The following CHCHD3 variants were observed in gnomAD, a reference collection of about 807,000 sequenced individuals.
CHCHD3 encodes the protein MICOS complex subunit MIC19.
CHCHD3 carries 20 observed loss-of-function variants against 38.2 expected under a neutral mutation model. That is an observed-to-expected ratio of 0.52 (90% CI 0.37 to 0.76). CHCHD3 has a LOEUF of 0.76. Ranked by LOEUF, CHCHD3 falls within the 30% of genes least tolerant of loss-of-function variation. The probability of loss-of-function intolerance (pLI) is 0.00; values close to 1 mark genes in which losing one functional copy is unlikely to be tolerated. For missense variants in CHCHD3, 245 were observed against 279.2 expected, an observed-to-expected ratio of 0.88 and a Z score of 0.87; for synonymous variants, 82 against 100.0, an observed-to-expected ratio of 0.82 and a Z score of 1.07.
intron 4 of CHCHD3, among the ~76,000 whole-genome samples, chr7:132,917,654 C>G (rs565592646): frequency 5.1e-4 from 78 of 152,036 alleles, no homozygotes; most frequent in South Asian, 1.2e-3. Context: ...GTCAGGAGAT[C>G]GAGACCATCC....
At chr7:132,885,004 C>T (rs1809168380) in intron 5 of CHCHD3, among the ~76,000 whole-genome samples, 1 of 152,184 alleles carries the variant, frequency 6.6e-6, no homozygotes, top group Admixed American at 6.5e-5. Context: ...GTAATCCTAG[C>T]ACTTTGGGAG....
At chr7:132,936,342 G>A (rs539136494) in intron 4 of CHCHD3, among the ~76,000 whole-genome samples, 2 of 152,298 alleles carry the variant, frequency 1.3e-5, no homozygotes, top group African/African-American at 4.8e-5. Context: ...TAAAAACTGA[G>A]AAATTCATCT....
At chr7:132,872,818 G>C (rs1046705914) in intron 5 of CHCHD3, among the ~76,000 whole-genome samples, 2 of 152,134 alleles carry the variant, frequency 1.3e-5, no homozygotes, top group South Asian at 4.1e-4. Context: ...TTTTAAAGAG[G>C]GGGAGGGCCG....
chr7:132,964,611 T>C (rs901849439), intron 4 of CHCHD3, among the ~76,000 whole-genome samples: 14 of 152,138 alleles, frequency 9.2e-5, no homozygotes, highest in Non-Finnish European at 1.9e-4. Flanking sequence ...TCTGCCTTTA[T>C]ATACTAGTAT....
chr7:132,944,622 A>C (rs948281933), intron 4 of CHCHD3, among the ~76,000 whole-genome samples: 1 of 152,002 alleles, frequency 6.6e-6, no homozygotes, highest in East Asian at 1.9e-4. Context: ...TTGTAAAAAA[A>C]AATGTATAAA....
intron 3 of CHCHD3, among the ~76,000 whole-genome samples, chr7:132,987,691 A>C (rs916266550): frequency 2.6e-5 from 4 of 152,232 alleles, no homozygotes; most frequent in African/African-American, 9.6e-5. Flanking sequence ...TCTAAGATAT[A>C]GTCACTGAAA....
At chr7:133,042,878 T>C (rs1460544269) in intron 2 of CHCHD3, among the ~76,000 whole-genome samples, 2 of 152,098 alleles carry the variant, frequency 1.3e-5, no homozygotes, top group African/African-American at 4.8e-5. Flanking sequence ...GGGTATTCAA[T>C]TTTTTTGATG....
chr7:132,887,585 G>C (rs947746237), intron 4 of CHCHD3, among the ~76,000 whole-genome samples: 54 of 150,948 alleles, frequency 3.6e-4, no homozygotes, highest in African/African-American at 1.2e-3. Flanking sequence ...ATAGAGCACT[G>C]AAAAAAGAAG....
intron 2 of CHCHD3, among the ~76,000 whole-genome samples, chr7:133,051,812 G>A (rs547917931): frequency 6.2e-4 from 94 of 152,010 alleles, no homozygotes; most frequent in South Asian, 2.3e-3. Flanking sequence ...CTAATCATTC[G>A]TTCAAAAAAA....
At chr7:132,885,614 G>A (rs1177420413) in intron 5 of CHCHD3, 48 bp downstream of exon 5, 1 of 1,347,316 alleles carries the variant, frequency 7.4e-7, no homozygotes, top group Non-Finnish European at 1.0e-6. Context: ...AAATATACAA[G>A]AAAACAGCAG....
At chr7:132,842,862 C>A (rs1226719899) in intron 5 of CHCHD3, among the ~76,000 whole-genome samples, 1 of 152,128 alleles carries the variant, frequency 6.6e-6, no homozygotes, top group Admixed American at 6.5e-5. Flanking sequence ...GGATTCTCCA[C>A]AACAAAGCTA....
At chr7:132,983,204 C>T (rs1258140011) in intron 3 of CHCHD3, among the ~76,000 whole-genome samples, 1 of 151,948 alleles carries the variant, frequency 6.6e-6, no homozygotes, top group Non-Finnish European at 1.5e-5. Flanking sequence ...CACCTGTAAT[C>T]CCAGCTACTC....
At chr7:133,056,130 G>C (rs1394010345) in intron 2 of CHCHD3, among the ~76,000 whole-genome samples, 1 of 151,270 alleles carries the variant, frequency 6.6e-6, no homozygotes, top group Non-Finnish European at 1.5e-5. Flanking sequence ...CTAGGTAACA[G>C]AGCAAGACTA....
At chr7:133,028,343 G>T (rs993153356) in intron 2 of CHCHD3, among the ~76,000 whole-genome samples, 1 of 152,042 alleles carries the variant, frequency 6.6e-6, no homozygotes, top group Non-Finnish European at 1.5e-5. Context: ...GATGCACTGG[G>T]ATCAGTGTTC....
At chr7:132,871,248 C>A (rs967877025) in intron 5 of CHCHD3, among the ~76,000 whole-genome samples, 2 of 152,122 alleles carry the variant, frequency 1.3e-5, no homozygotes, top group African/African-American at 4.8e-5. Context: ...TGGCATTAAT[C>A]TTTTGGGAAA....
At chr7:132,871,622 C>A (rs999848260) in intron 5 of CHCHD3, among the ~76,000 whole-genome samples, 3 of 152,180 alleles carry the variant, frequency 2.0e-5, no homozygotes, top group South Asian at 2.1e-4. Flanking sequence ...CCGCTGCCCA[C>A]GTCACATCAC....
rs560386998 is a variant in CHCHD3 at position 132,785,490 on chromosome 7, G to A, written c.*147C>T. 5.2e-6 allele frequency: 4 copies of A among 775,480 alleles called. No homozygotes were observed. The Admixed American group carries it at 7.2e-5, about 14-fold the overall frequency. 48.0% of individuals were successfully genotyped at this position (775,480 alleles called of 1,614,324 possible). A position where few individuals can be genotyped will look rare whatever the true frequency, so the allele number is the denominator to read the frequency against. On this transcript the variant is annotated 3_prime_UTR_variant, in exon 8 of 8. Coordinates refer to ENST00000262570, the MANE Select transcript of CHCHD3 (RefSeq NM_017812.4). Reference sequence around the variant, plus strand: ...ACTGCTGCTGTTCAAAACGTGAAATGATTCTGCTGAATCCATTCTTGATGT... The same window carrying A: ...ACTGCTGCTGTTCAAAACGTGAAATAATTCTGCTGAATCCATTCTTGATGT...
chr7:132,811,352 T>C (rs993398310), intron 6 of CHCHD3, among the ~76,000 whole-genome samples: 1 of 152,218 alleles, frequency 6.6e-6, no homozygotes, highest in Admixed American at 6.5e-5. Context: ...ATCTACGCTG[T>C]CCCAACATGG....
At chr7:132,947,362 TAACATCTTCACTTTATTTTAA>T (rs1214538916) in intron 4 of CHCHD3, among the ~76,000 whole-genome samples, 3 of 151,870 alleles carry the variant, frequency 2.0e-5, no homozygotes, top group African/African-American at 7.2e-5. Context: ...ACAAATTCAC[TAACATCTTCACTTTATTTTAA>T]AACTTTACAC....
Sources: allele counts gnomAD v4.1 joint callset (sites outside exome capture counted in the v4.1 genomes callset), GRCh38; gene constraint gnomAD v4.1.1; transcripts MANE v1.5; gene names NCBI Gene and HGNC (gene_info 2026-07-23, HGNC 2026-07-21).